The following CEP57L1 variants were observed in gnomAD, a reference collection of about 807,000 sequenced individuals.
The protein encoded by CEP57L1 is centrosomal protein 57 like 1.
In CEP57L1, 37 loss-of-function variants were observed where a neutral mutation model predicts 61.0. The ratio of observed to expected loss-of-function variants is 0.61; its 90% CI spans 0.47 to 0.80. The LOEUF is 0.80. CEP57L1 is among the 30% of genes least tolerant of loss of function. The probability of loss-of-function intolerance (pLI) is 0.00; values close to 1 mark genes in which losing one functional copy is unlikely to be tolerated. For missense variants in CEP57L1, 422 were observed against 524.7 expected (o/e 0.80, Z 1.91); for synonymous variants, 137 against 162.3 (o/e 0.84, Z 1.19).
intron 1 of CEP57L1, among the ~76,000 whole-genome samples, chr6:109,138,347 C>T (rs960096537): frequency 2.0e-5 from 3 of 151,934 alleles, no homozygotes; most frequent in Non-Finnish European, 4.4e-5. Context: ...TAGCATAGGC[C>T]AACTGGTCAG....
At chr6:109,102,165 T>C (rs1770383125) in intron 1 of CEP57L1, among the ~76,000 whole-genome samples, 3 of 152,206 alleles carry the variant, frequency 2.0e-5, no homozygotes, top group Admixed American at 1.3e-4. Context: ...TCTTTTCAGA[T>C]CTTTTGTCCA....
At chr6:109,134,554 T>C (rs1400063912) in intron 1 of CEP57L1, among the ~76,000 whole-genome samples, 1 of 152,194 alleles carries the variant, frequency 6.6e-6, no homozygotes, top group Non-Finnish European at 1.5e-5. Flanking sequence ...TATTGGAAGT[T>C]CTGGCCAGGG....
At chr6:109,148,578 T>C (rs1244477268) in intron 3 of CEP57L1, among the ~76,000 whole-genome samples, 1 of 152,178 alleles carries the variant, frequency 6.6e-6, no homozygotes, top group Non-Finnish European at 1.5e-5. Context: ...GCAATAAACA[T>C]ACGTGTGCAT....
chr6:109,138,738 A>G (rs1265840104), intron 1 of CEP57L1, among the ~76,000 whole-genome samples: 2 of 152,156 alleles, frequency 1.3e-5, no homozygotes, highest in Non-Finnish European at 2.9e-5. Flanking sequence ...GATAAGTATG[A>G]CCGCCTTTTA....
chr6:109,122,914 A>G (rs188487735), intron 1 of CEP57L1, among the ~76,000 whole-genome samples: 5 of 152,290 alleles, frequency 3.3e-5, no homozygotes, highest in African/African-American at 1.2e-4. Flanking sequence ...ACTCAATGTC[A>G]TTGTTACACA....
chr6:109,157,677 G>C (rs1376163585), intron 7 of CEP57L1: 1 of 152,146 alleles, frequency 6.6e-6, no homozygotes, highest in Non-Finnish European at 1.5e-5. Context: ...AGTTAAAATG[G>C]AAAATATAGC....
In CEP57L1 at chr6:109,155,782, A is replaced by C. The variant is rs199807207; in HGVS notation, c.658-9A>C. On this transcript the variant is annotated splice_polypyrimidine_tract_variant and intron_variant, in intron 6 of 10. Transcript: ENST00000517392. ...ATCAATGTTATAACCTTTTTTTTAA[A>C]TATTACAGCTTCAAACTGGACTTGA... 4.4e-3 allele frequency: 6,269 copies of C among 1,409,936 alleles called. 29 individuals carry two copies. The highest frequency in any genetic ancestry group is 5.4e-3 in the Non-Finnish European group (5,395 of 1,006,284). 87.3% of individuals were successfully genotyped at this position (1,409,936 alleles called of 1,614,324 possible). A position where few individuals can be genotyped will look rare whatever the true frequency, so the allele number is the denominator to read the frequency against.
intron 1 of CEP57L1, among the ~76,000 whole-genome samples, chr6:109,123,657 A>G (rs575381516): frequency 2.0e-5 from 3 of 152,270 alleles, no homozygotes; most frequent in East Asian, 3.9e-4. Flanking sequence ...ACTTTATTTC[A>G]TTCTTCCCTG....
intron 2 of CEP57L1, 100 bp from the exon 3 acceptor site, chr6:109,146,658 C>A: frequency 1.3e-6 from 1 of 744,204 alleles, no homozygotes; most frequent in Non-Finnish European, 2.1e-6. Flanking sequence ...ATTTTTCTGG[C>A]TCAGTAACAA....
chr6:109,105,593 A>T (rs1438327650), intron 1 of CEP57L1, among the ~76,000 whole-genome samples: 1 of 152,216 alleles, frequency 6.6e-6, no homozygotes, highest in Non-Finnish European at 1.5e-5. Flanking sequence ...ATCAGTCTTA[A>T]TAACTAGAAA....
intron 8 of CEP57L1, 37 bp downstream of exon 8, chr6:109,159,139 A>G: frequency 1.9e-6 from 3 of 1,613,982 alleles, no homozygotes; most frequent in Non-Finnish European, 2.5e-6. Flanking sequence ...CGTTCAAAAA[A>G]ACTCCTGTTT....
intron 1 of CEP57L1, among the ~76,000 whole-genome samples, chr6:109,103,255 T>G (rs1297566973): frequency 6.6e-6 from 1 of 152,204 alleles, no homozygotes; most frequent in African/African-American, 2.4e-5. Flanking sequence ...CATAAGCAGT[T>G]TTGCCTCTAA....
At position 109,123,541 on chromosome 6, in the gene CEP57L1, A is replaced by G. The variant is rs1773218789; in HGVS notation, c.-3-21678A>G. On this transcript the variant is annotated intron_variant, in intron 1 of 10. Coordinates refer to ENST00000517392, the MANE Select transcript of CEP57L1 (RefSeq NM_001271852.3). Reference sequence around the variant, plus strand: ...ATGTAGCAAGCTCAATATAAATGTTAGCTGTTTTTTAAAAAATGTTATTTC... The same window carrying G: ...ATGTAGCAAGCTCAATATAAATGTTGGCTGTTTTTTAAAAAATGTTATTTC... 1.3e-5 allele frequency among the ~76,000 whole-genome samples: 2 copies of G among 152,186 alleles called. 1 individual carries two copies. The highest frequency in any genetic ancestry group is 4.1e-4 in the South Asian group (2 of 4,832).
Position 109,167,625 on chromosome 6 carries a change from C to T in CEP57L1, c.*4655C>T, listed in dbSNP as rs1044931157. Among the ~76,000 whole-genome samples, 4 of 150,938 alleles carry T rather than the reference C, an allele frequency of 2.7e-5. No individual in the cohort carries two copies. Among genetic ancestry groups the T allele is most frequent in the East Asian group, 3.9e-4 (2 of 5,158 alleles). On this transcript the variant is annotated 3_prime_UTR_variant, in exon 11 of 11. Coordinates refer to ENST00000517392, the MANE Select transcript of CEP57L1 (RefSeq NM_001271852.3). Reference sequence around the variant, plus strand: ...CTGGGAGGCAGAGGTTGCGGTGAGCCGAGATTGTGCCACTGCACTCCAGCC... The same window carrying T: ...CTGGGAGGCAGAGGTTGCGGTGAGCTGAGATTGTGCCACTGCACTCCAGCC...
intron 1 of CEP57L1, among the ~76,000 whole-genome samples, chr6:109,140,087 T>G (rs1771180308): frequency 6.6e-6 from 1 of 152,094 alleles, no homozygotes; most frequent in Non-Finnish European, 1.5e-5. Context: ...TACTAAGATT[T>G]ATTTATTTAT....
chr6:109,148,800 T>G (rs1321156063), intron 3 of CEP57L1, among the ~76,000 whole-genome samples: 3 of 152,244 alleles, frequency 2.0e-5, no homozygotes, highest in Non-Finnish European at 4.4e-5. Flanking sequence ...GACTTTTTAA[T>G]GATTGCCATT....
At chr6:109,143,455 C>T (rs1245158935) in intron 1 of CEP57L1, among the ~76,000 whole-genome samples, 1 of 152,158 alleles carries the variant, frequency 6.6e-6, no homozygotes, top group East Asian at 1.9e-4. Context: ...ATGAGAATCT[C>T]TGAGCTCTGT....
intron 7 of CEP57L1, chr6:109,156,870 A>C (rs1773268702): frequency 6.6e-6 from 1 of 152,124 alleles, no homozygotes; most frequent in African/African-American, 2.4e-5. Context: ...ATATTTCCCC[A>C]ATATGACTTA....
Position 109,168,109 on chromosome 6 carries a change from G to A in CEP57L1, c.*5139G>A, listed in dbSNP as rs1038024083. On this transcript the variant is annotated 3_prime_UTR_variant, in exon 11 of 11. Transcript: ENST00000517392. ...AAGTGCTTAAGAAGTTGGCCTGTTTGTAATTTCTTCATTTTCTATCTATCT... is the reference window on the plus strand; with the variant it reads ...AAGTGCTTAAGAAGTTGGCCTGTTTATAATTTCTTCATTTTCTATCTATCT... Among the ~76,000 whole-genome samples the A allele has an allele frequency of 1.1e-4, 17 of 152,208 alleles. No individual in the cohort carries two copies. Among genetic ancestry groups the A allele is most frequent in the African/African-American group, 4.1e-4 (17 of 41,450 alleles).
Sources: gnomAD v4.1 joint callset for allele counts (sites outside exome capture counted in the v4.1 genomes callset) on GRCh38, gnomAD v4.1.1 for gene constraint, MANE v1.5 for transcripts, NCBI Gene and HGNC (gene_info 2026-07-23, HGNC 2026-07-21) for gene names.